CSMD1: variants seen among roughly 807,000 people sequenced by gnomAD.
CSMD1 encodes CUB and Sushi multiple domains 1, also known as CUB and sushi domain-containing protein 1.
A neutral mutation model predicts 417.5 loss-of-function variants in CSMD1; 213 were observed. The ratio of observed to expected loss-of-function variants is 0.51; its 90% confidence interval spans 0.46 to 0.57. CSMD1 has a LOEUF of 0.57. CSMD1 is among the 20% of genes least tolerant of loss of function. CSMD1 has a pLI of 0.00. For synonymous variants in CSMD1, 2,862 were observed against 1,736.8 expected, an observed-to-expected ratio of 1.65 and a Z score of -16.11; for missense variants, 6,923 against 4,529.7, an observed-to-expected ratio of 1.53 and a Z score of -15.17.
At chr8:3,016,207 C>T (rs995422963) in intron 52 of CSMD1, among the ~76,000 whole-genome samples, 3 of 152,180 alleles carry the variant, frequency 2.0e-5, no homozygotes, top group Admixed American at 1.3e-4. Context: ...AATATGGCAC[C>T]TAGTTGATAT....
At chr8:4,545,347 T>A (rs1797581770) in intron 2 of CSMD1, among the ~76,000 whole-genome samples, 1 of 152,218 alleles carries the variant, frequency 6.6e-6, no homozygotes. Flanking sequence ...ATATTTATTA[T>A]TCTTTCGTTT....
intron 5 of CSMD1, among the ~76,000 whole-genome samples, chr8:3,866,680 T>G (rs1805127549): frequency 7.7e-6 from 1 of 129,186 alleles, no homozygotes; most frequent in South Asian, 2.9e-4. Flanking sequence ...TTTCTATAGA[T>G]ACAGCTGTTC....
At chr8:3,981,354 A>C (rs938485675) in intron 5 of CSMD1, among the ~76,000 whole-genome samples, 2 of 152,026 alleles carry the variant, frequency 1.3e-5, no homozygotes, top group Non-Finnish European at 2.9e-5. Context: ...GGAAGAGTGG[A>C]AGGGGGGTGA....
chr8:4,652,562 G>A (rs181348851), intron 1 of CSMD1, among the ~76,000 whole-genome samples: 1 of 151,980 alleles, frequency 6.6e-6, no homozygotes, highest in Non-Finnish European at 1.5e-5. Context: ...TGAGGCAGGA[G>A]AATCGCTTGA....
intron 5 of CSMD1, among the ~76,000 whole-genome samples, chr8:3,860,716 A>G (rs1387110309): frequency 1.3e-5 from 2 of 152,204 alleles, no homozygotes; most frequent in African/African-American, 4.8e-5. Context: ...TAAATGCAAT[A>G]CACGCTAATA....
intron 1 of CSMD1, among the ~76,000 whole-genome samples, chr8:4,796,545 G>A (rs1398781054): frequency 2.6e-5 from 4 of 151,312 alleles, no homozygotes; most frequent in African/African-American, 4.9e-5. Flanking sequence ...CACGCTCTCA[G>A]ACTAGAGAGC....
intron 3 of CSMD1, among the ~76,000 whole-genome samples, chr8:4,310,911 T>A (rs1260292717): frequency 6.6e-6 from 1 of 152,126 alleles, no homozygotes; most frequent in East Asian, 1.9e-4. Flanking sequence ...AAGCTCAGTA[T>A]CACTAATCAT....
chr8:4,665,370 G>A (rs538356577), intron 1 of CSMD1, among the ~76,000 whole-genome samples: 4 of 152,240 alleles, frequency 2.6e-5, no homozygotes, highest in Admixed American at 6.5e-5. Context: ...TAAACCACCC[G>A]TTTTAGGTGA....
chr8:3,999,783 C>A (rs542690443), intron 4 of CSMD1, among the ~76,000 whole-genome samples: 2 of 152,064 alleles, frequency 1.3e-5, no homozygotes, highest in African/African-American at 2.4e-5. Context: ...CAAGTATGAA[C>A]GAAATCAAGA....
At chr8:4,954,141 G>C (rs1009006846) in intron 1 of CSMD1, among the ~76,000 whole-genome samples, 8 of 152,040 alleles carry the variant, frequency 5.3e-5, no homozygotes, top group Admixed American at 2.6e-4. Context: ...CAAAGAGTAG[G>C]TTCAAATAAG....
At chr8:4,775,154 GCAGT>G (rs753163063) in intron 1 of CSMD1, among the ~76,000 whole-genome samples, 155 of 152,302 alleles carry the variant, frequency 1.0e-3, no homozygotes, top group Middle Eastern at 3.4e-3. Context: ...AGGAAACCAT[GCAGT>G]AATTCTAATA....
chr8:4,572,512 G>C (rs1267867521), intron 2 of CSMD1, among the ~76,000 whole-genome samples: 2 of 152,178 alleles, frequency 1.3e-5, no homozygotes, highest in Non-Finnish European at 1.5e-5. Context: ...GCTTGCCTTT[G>C]TGGGTAACCC....
At chr8:3,176,852 G>A (rs568519520) in intron 37 of CSMD1, among the ~76,000 whole-genome samples, 1 of 151,010 alleles carries the variant, frequency 6.6e-6, no homozygotes, top group East Asian at 2.0e-4. Context: ...AATCATGGCT[G>A]TCTGTAGCCT....
At chr8:3,825,861 G>A (rs1044155781) in intron 5 of CSMD1, among the ~76,000 whole-genome samples, 1 of 152,166 alleles carries the variant, frequency 6.6e-6, no homozygotes, top group Non-Finnish European at 1.5e-5. Flanking sequence ...GAGACGCATT[G>A]TACACTAGGG....
intron 10 of CSMD1, among the ~76,000 whole-genome samples, chr8:3,501,291 C>T (rs530243259): frequency 1.3e-5 from 2 of 152,232 alleles, no homozygotes; most frequent in Admixed American, 6.5e-5. Flanking sequence ...CATACACACA[C>T]ACCCCAAGAA....
At chr8:4,223,297 A>C (rs928089782) in intron 3 of CSMD1, among the ~76,000 whole-genome samples, 9 of 152,220 alleles carry the variant, frequency 5.9e-5, no homozygotes, top group Non-Finnish European at 1.3e-4. Flanking sequence ...CTCGAAATTC[A>C]CCTGCACACT....
At chr8:4,442,428 T>G (rs1437929630) in intron 2 of CSMD1, among the ~76,000 whole-genome samples, 1 of 152,138 alleles carries the variant, frequency 6.6e-6, no homozygotes, top group East Asian at 1.9e-4. Flanking sequence ...TATGAACATA[T>G]AAAGCCCAGT....
intron 5 of CSMD1, among the ~76,000 whole-genome samples, chr8:3,954,461 G>A (rs558929623): frequency 6.6e-6 from 1 of 152,144 alleles, no homozygotes; most frequent in Non-Finnish European, 1.5e-5. Flanking sequence ...CCTCCTCCCG[G>A]GTTCAGGCGA....
At chr8:4,042,156 C>T (rs942038288) in intron 3 of CSMD1, among the ~76,000 whole-genome samples, 2 of 152,058 alleles carry the variant, frequency 1.3e-5, no homozygotes, top group African/African-American at 2.4e-5. Context: ...TTTACTAAAA[C>T]AGTGAACTCA....
Sources: allele counts gnomAD v4.1 joint callset (sites outside exome capture counted in the v4.1 genomes callset), GRCh38; gene constraint gnomAD v4.1.1; transcripts MANE v1.5; gene names NCBI Gene and HGNC (gene_info 2026-07-23, HGNC 2026-07-21).